BRCA2: variants seen among roughly 807,000 people sequenced by gnomAD.
BRCA2 encodes breast cancer type 2 susceptibility protein.
BRCA2 carries 203 observed loss-of-function variants against 276.7 expected under a neutral mutation model. The observed-to-expected ratio is 0.73, with a 90% CI of 0.65 to 0.82. BRCA2 has a LOEUF of 0.82. Among genes scored for constraint, BRCA2 ranks in the 40% least tolerant of loss-of-function variants. The pLI is 0.00. For missense variants in BRCA2, 3,920 were observed against 3,915.0 expected (o/e 1.00, Z -0.03); for synonymous variants, 1,289 against 1,338.4 (o/e 0.96, Z 0.81).
intron 2 of BRCA2, 81 bp from the exon 3 acceptor site, chr13:32,318,996 T>A: frequency 6.5e-7 from 1 of 1,549,708 alleles, no homozygotes; most frequent in Non-Finnish European, 8.7e-7. Context: ...AGCATTTTTT[T>A]CCTTATGATC....
chr13:32,366,232 C>A (rs1051905560), intron 18 of BRCA2, among the ~76,000 whole-genome samples: 4 of 152,112 alleles, frequency 2.6e-5, no homozygotes, highest in African/African-American at 9.7e-5. Flanking sequence ...ACCCCAAGAA[C>A]AACAATAGCA....
intron 18 of BRCA2, 42 bp downstream of exon 18, chr13:32,363,575 C>T (rs1363564903): frequency 6.5e-7 from 1 of 1,538,440 alleles, no homozygotes; most frequent in South Asian, 1.1e-5. Context: ...GTCATTGATT[C>T]AGTTAAATTC....
intron 24 of BRCA2, among the ~76,000 whole-genome samples, chr13:32,387,778 G>C (rs2072970472): frequency 1.3e-5 from 2 of 152,160 alleles, no homozygotes; most frequent in African/African-American, 4.8e-5. Flanking sequence ...TATAAGTGCA[G>C]AGAAGAAAAC....
chr13:32,377,366 A>G (rs982469071), intron 21 of BRCA2, among the ~76,000 whole-genome samples: 6 of 152,160 alleles, frequency 3.9e-5, no homozygotes, highest in African/African-American at 1.4e-4. Context: ...CCGAGGCAGA[A>G]GGATCACCTG....
chr13:32,375,313 G>T (rs1482174645), intron 20 of BRCA2: 1 of 419,676 alleles, frequency 2.4e-6, no homozygotes, highest in Non-Finnish European at 4.7e-6. Context: ...TCTAATTCTA[G>T]TTCTCTTGCT....
intron 13 of BRCA2, among the ~76,000 whole-genome samples, chr13:32,349,471 A>G (rs1034247654): frequency 6.6e-6 from 1 of 152,124 alleles, no homozygotes; most frequent in African/African-American, 2.4e-5. Context: ...TGGTGGCTTC[A>G]TTTCTTATCT....
At chr13:32,350,918 C>T (rs974797080) in intron 13 of BRCA2, among the ~76,000 whole-genome samples, 12 of 151,990 alleles carry the variant, frequency 7.9e-5, no homozygotes, top group East Asian at 3.9e-4. Flanking sequence ...CTTTTCTGTC[C>T]GGCTAAAGGA....
intron 18 of BRCA2, among the ~76,000 whole-genome samples, chr13:32,369,351 C>T (rs2072811561): frequency 6.6e-6 from 1 of 152,044 alleles, no homozygotes; most frequent in South Asian, 2.1e-4. Context: ...AAATGTCAAC[C>T]ATTTCTTCCT....
At chr13:32,334,680 A>G in intron 10 of BRCA2, among the ~76,000 whole-genome samples, 1 of 152,036 alleles carries the variant, frequency 6.6e-6, no homozygotes, top group East Asian at 1.9e-4. Flanking sequence ...TCCCTGAAAA[A>G]AAAAAAAGAA....
chr13:32,385,083 G>T, intron 24 of BRCA2: 1 of 276,886 alleles, frequency 3.6e-6, no homozygotes, highest in Non-Finnish European at 7.5e-6. Context: ...GTCCAGAGAT[G>T]GACTGTGAGG....
At chr13:32,357,951 T>C in intron 16 of BRCA2, 22 bp downstream of exon 16, 1 of 1,607,708 alleles carries the variant, frequency 6.2e-7, no homozygotes, top group Non-Finnish European at 8.5e-7. Flanking sequence ...AAAAAGATTG[T>C]GTGTTAACTT....
chr13:32,376,739 G>A lies in BRCA2; in HGVS notation c.8702G>A (p.Gly2901Asp), dbSNP rs80359129. 27 of 1,614,146 alleles carry A rather than the reference G, an allele frequency of 1.7e-5. No homozygotes were observed. In the East Asian group the frequency reaches 5.8e-4, roughly 35 times the overall value. ...CAGCAAGTTCGTGCTTTGCAAGATG[G>A]TGCAGAGCTTTATGAAGCAGTGAAG... ...TRQQVRALQDGAELYEAVKNA... is the reference protein window; with the variant it reads ...TRQQVRALQDDAELYEAVKNA... The change falls in exon 21 of 27, where the codon GGT becomes GAT. Residue 2901 changes from glycine to aspartate, a missense_variant. Physicochemically the swap from Gly to Asp is moderately conservative, Grantham distance 94. Coordinates refer to ENST00000380152, the MANE Select transcript of BRCA2 (RefSeq NM_000059.4).
In BRCA2 at chr13:32,355,361, A is replaced by T. The variant is rs2072686132; in HGVS notation, c.7435+73A>T. 29 of 1,537,426 alleles carry T rather than the reference A, an allele frequency of 1.9e-5. 1 individual carries two copies. In the South Asian group the frequency reaches 3.4e-4, roughly 18 times the overall value. On this transcript the variant is annotated intron_variant, in intron 14 of 26. Coordinates refer to ENST00000380152, the MANE Select transcript of BRCA2 (RefSeq NM_000059.4). ...ATTTCCGTTGTTAAATAATGTCCTG[A>T]TGGTTTTCCCCCTTTGGTGGTGGTA...
rs398122758 is a variant in BRCA2 at position 32,337,336 on chromosome 13, C to G, written c.2981C>G (p.Ala994Gly). The G allele has an allele frequency of 6.2e-7, 1 of 1,613,688 alleles. No individual in the cohort carries two copies. The highest frequency in any genetic ancestry group is 8.5e-7 in the Non-Finnish European group (1 of 1,179,866). The change falls in exon 11 of 27, where the codon GCA (alanine) becomes GGA (glycine). Residue 994 changes from alanine (A) to glycine (G), a missense_variant. Around this residue, in one of 2 missense-constraint regions of BRCA2, gnomAD observed 3,263 missense variants for 3,156.9 expected, o/e 1.03. Coordinates refer to ENST00000380152, the MANE Select transcript of BRCA2 (RefSeq NM_000059.4). ...EKNNDYMNKW[A>G]GLLGPISNHS... Reference sequence around the variant, plus strand: ...AATAATGATTACATGAACAAATGGGCAGGACTCTTAGGTCCAATTTCAAAT... The same window carrying G: ...AATAATGATTACATGAACAAATGGGGAGGACTCTTAGGTCCAATTTCAAAT...
chr13:32,388,907 T>A (rs1254433590), intron 24 of BRCA2, among the ~76,000 whole-genome samples: 1 of 152,236 alleles, frequency 6.6e-6, no homozygotes, highest in East Asian at 1.9e-4. Context: ...AAGGTAATTA[T>A]TGATATGCCA....
chr13:32,333,065 TAAA>T lies in BRCA2; in HGVS notation c.1591_1593del (p.Lys531del). On this transcript the variant is annotated inframe_deletion, in exon 10 of 27. Transcript: ENST00000380152. ...CAGGTCATATGACTGATCCAAACTTTAAAAAAGAAACTGAAGCCTCTGAAAGTG... is the reference window on the plus strand; with the variant it reads ...CAGGTCATATGACTGATCCAAACTTTAAAGAAACTGAAGCCTCTGAAAGTG... 6.2e-7 allele frequency: 1 copy of T among 1,610,152 alleles called. No individual in the cohort carries two copies.
At position 32,362,595 on chromosome 13, in the gene BRCA2, G is replaced by C. The variant is rs80359013; in HGVS notation, c.7878G>C (p.Trp2626Cys). The C allele has an allele frequency of 6.2e-7, 1 of 1,614,132 alleles. No homozygotes were observed. The highest frequency in any genetic ancestry group is 8.5e-7 in the Non-Finnish European group (1 of 1,180,010). Residue 2626 changes from tryptophan to cysteine, a missense_variant, in exon 17 of 27, where the codon TGG (tryptophan) becomes TGC (cysteine). Physicochemically the swap from Trp to Cys is radical, Grantham distance 215 (BLOSUM62 -2). Transcript: ENST00000380152. The stretch of plus-strand genomic sequence containing the variant: ...TTTGGGTTTATAATCACTATAGATG[G>C]ATCATATGGAAACTGGCAGCTATGG... ...SRIWVYNHYR[W>C]IIWKLAAMEC...
At chr13:32,380,887 T>C (rs1204330103) in intron 24 of BRCA2, among the ~76,000 whole-genome samples, 1 of 152,214 alleles carries the variant, frequency 6.6e-6, no homozygotes, top group Non-Finnish European at 1.5e-5. Flanking sequence ...CTAAGTTCAA[T>C]AGCATGAATC....
In BRCA2 at chr13:32,338,794, A is replaced by G. The variant is rs1163303343; in HGVS notation, c.4439A>G (p.Tyr1480Cys). Reference sequence around the variant, plus strand: ...AAGAACAAAATGGACATTCTAAGTTATGAGGAAACAGACATAGTTAAACAC... The same window carrying G: ...AAGAACAAAATGGACATTCTAAGTTGTGAGGAAACAGACATAGTTAAACAC... The part of the protein sequence containing the change: ...IRKNKMDILS[Y>C]EETDIVKHKI... Residue 1480 changes from tyrosine (Y) to cysteine (C), a missense_variant, in exon 11 of 27, where the codon TAT becomes TGT. Tyr to Cys is a radical substitution (Grantham distance 194, BLOSUM62 -2). This residue lies in a region of BRCA2 where 3,263 missense variants were observed against 3,156.9 expected (regional missense o/e 1.03). Coordinates refer to ENST00000380152, the MANE Select transcript of BRCA2 (RefSeq NM_000059.4). 6.2e-7 allele frequency: 1 copy of G among 1,613,180 alleles called. No homozygotes were observed. Among genetic ancestry groups the G allele is most frequent in the African/African-American group, 1.3e-5 (1 of 75,040 alleles).
Sources: allele counts gnomAD v4.1 joint callset (sites outside exome capture counted in the v4.1 genomes callset), GRCh38; gene constraint gnomAD v4.1.1; regional missense constraint gnomAD v4.1.1; transcripts MANE v1.5; gene names NCBI Gene and HGNC (gene_info 2026-07-23, HGNC 2026-07-21).